The following DLGAP1 variants were observed in gnomAD, a reference collection of about 807,000 sequenced individuals.
DLGAP1 encodes the protein disks large-associated protein 1.
A neutral mutation model predicts 90.8 loss-of-function variants in DLGAP1; 11 were observed. The observed-to-expected ratio is 0.12, with a 90% CI of 0.08 to 0.20. The LOEUF (loss-of-function observed/expected upper bound fraction) is 0.20. Ranked by LOEUF, DLGAP1 falls within the 10% of genes least tolerant of loss-of-function variation. The probability of loss-of-function intolerance (pLI) is 1.00; values close to 1 mark genes in which losing one functional copy is unlikely to be tolerated. For synonymous variants in DLGAP1, 558 were observed against 540.7 expected (o/e 1.03, Z -0.44); for missense variants, 1,050 against 1,333.8 (o/e 0.79, Z 3.31).
At position 3,653,208 on chromosome 18, in the gene DLGAP1, T is replaced by G. The variant is rs1370287263; in HGVS notation, c.1592-70960A>C. ...ATTTAGAAGACTCTTGTGGAATTCT[T>G]GCTGTGAGTGGTTTTTCCTTCCCTG... is the stretch of plus-strand genomic sequence containing the variant. On this transcript the variant is annotated intron_variant, in intron 7 of 12. Coordinates refer to ENST00000315677, the MANE Select transcript of DLGAP1 (RefSeq NM_004746.4). The surrounding 1 kb of genome is among the most constrained non-coding windows in gnomAD (Gnocchi z 4.6). Among the ~76,000 whole-genome samples, 2 of 152,196 alleles carry G rather than the reference T, an allele frequency of 1.3e-5. No homozygotes were observed. Among genetic ancestry groups the G allele is most frequent in the East Asian group, 3.8e-4 (2 of 5,202 alleles).
At chr18:3,988,579 T>C (rs1267542779) in intron 3 of DLGAP1, among the ~76,000 whole-genome samples, 2 of 152,022 alleles carry the variant, frequency 1.3e-5, no homozygotes, top group African/African-American at 2.4e-5. Flanking sequence ...GGCGCTCCCA[T>C]GATAATTTAA....
chr18:4,094,607 C>CT (rs35060422), intron 2 of DLGAP1, among the ~76,000 whole-genome samples: 3,494 of 124,794 alleles, frequency 0.028, 82 homozygotes, highest in Non-Finnish European at 0.039. Context: ...CTTTCTCTTT[C>CT]TTTTTTTTTT....
chr18:4,208,760 AG>A (rs1468249517), intron 1 of DLGAP1, among the ~76,000 whole-genome samples: 1 of 151,818 alleles, frequency 6.6e-6, no homozygotes, highest in Non-Finnish European at 1.5e-5. Flanking sequence ...ACAGAGGGAG[AG>A]GGAGAAAGAG....
At chr18:4,197,764 T>G (rs1016154989) in intron 1 of DLGAP1, among the ~76,000 whole-genome samples, 4 of 152,242 alleles carry the variant, frequency 2.6e-5, no homozygotes, top group African/African-American at 9.6e-5. Flanking sequence ...TAGGAATCAT[T>G]TATCTGCAGG....
chr18:4,393,786 T>A (rs2082384849), intron 1 of DLGAP1, among the ~76,000 whole-genome samples: 1 of 151,950 alleles, frequency 6.6e-6, no homozygotes, highest in African/African-American at 2.4e-5. Flanking sequence ...GCAGGGGTGG[T>A]TCTGGGATGA....
At chr18:3,971,455 A>C (rs1273111707) in intron 3 of DLGAP1, among the ~76,000 whole-genome samples, 2 of 151,136 alleles carry the variant, frequency 1.3e-5, no homozygotes, top group African/African-American at 4.9e-5. Flanking sequence ...ATATGACATA[A>C]TATCACATAT....
chr18:4,111,048 T>G (rs2143997420), intron 2 of DLGAP1, among the ~76,000 whole-genome samples: 1 of 152,226 alleles, frequency 6.6e-6, no homozygotes, highest in African/African-American at 2.4e-5. Flanking sequence ...TTAGCCGTGG[T>G]TTTTTTCTAG....
intron 3 of DLGAP1, among the ~76,000 whole-genome samples, chr18:3,982,600 C>A (rs11664384): frequency 0.056 from 8,546 of 152,140 alleles, 497 homozygotes; most frequent in African/African-American, 0.15. Flanking sequence ...AGCCTGTGAT[C>A]AGTTCTTATT....
At chr18:4,038,478 T>C (rs2074924307) in intron 2 of DLGAP1, among the ~76,000 whole-genome samples, 1 of 152,046 alleles carries the variant, frequency 6.6e-6, no homozygotes, top group Non-Finnish European at 1.5e-5. Flanking sequence ...CGCTTGCAGA[T>C]AGTTCTGTGT....
chr18:4,153,917 C>T (rs1459311330), intron 1 of DLGAP1, among the ~76,000 whole-genome samples: 1 of 152,164 alleles, frequency 6.6e-6, no homozygotes, highest in East Asian at 1.9e-4. Context: ...GAGACTATAG[C>T]TTTGTCCAGG....
intron 5 of DLGAP1, among the ~76,000 whole-genome samples, chr18:3,800,767 T>A (rs924195408): frequency 6.6e-6 from 1 of 152,130 alleles, no homozygotes; most frequent in Non-Finnish European, 1.5e-5. Flanking sequence ...TATTTCTAAA[T>A]AAAAAAGAGA....
intron 7 of DLGAP1, among the ~76,000 whole-genome samples, chr18:3,694,939 G>GTTT (rs1219198458): frequency 4.8e-5 from 6 of 125,248 alleles, no homozygotes; most frequent in Admixed American, 8.4e-5. Context: ...TGTTTTTTTT[G>GTTT]TTTTTTTTTT....
At chr18:4,341,774 C>T (rs976981053) in intron 1 of DLGAP1, among the ~76,000 whole-genome samples, 2 of 152,084 alleles carry the variant, frequency 1.3e-5, no homozygotes, top group African/African-American at 2.4e-5. Flanking sequence ...AGACATCAAA[C>T]ATAAGAGGGA....
intron 1 of DLGAP1, among the ~76,000 whole-genome samples, chr18:4,369,424 A>G (rs770287337): frequency 7.2e-5 from 11 of 152,310 alleles, no homozygotes; most frequent in Non-Finnish European, 1.5e-4. Flanking sequence ...ATCAAGGACT[A>G]GAATCATTCC....
At chr18:4,427,747 G>A (rs1402623923) in intron 1 of DLGAP1, among the ~76,000 whole-genome samples, 1 of 152,190 alleles carries the variant, frequency 6.6e-6, no homozygotes, top group African/African-American at 2.4e-5. Context: ...TGAATTGTAA[G>A]TCATGGGGAA....
intron 1 of DLGAP1, among the ~76,000 whole-genome samples, chr18:4,299,769 A>T (rs1226047908): frequency 6.6e-6 from 1 of 152,216 alleles, no homozygotes; most frequent in Non-Finnish European, 1.5e-5. Context: ...TAATGGCTGT[A>T]AAATATTCCC....
chr18:4,088,614 A>C (rs1266141528), intron 2 of DLGAP1, among the ~76,000 whole-genome samples: 1 of 152,160 alleles, frequency 6.6e-6, no homozygotes, highest in Non-Finnish European at 1.5e-5. Flanking sequence ...TGTTTGAAAA[A>C]GTTATTATTT....
intron 7 of DLGAP1, among the ~76,000 whole-genome samples, chr18:3,674,318 T>TATATATATATATATATATATA (rs2060216347): frequency 1.4e-5 from 2 of 145,896 alleles, no homozygotes; most frequent in African/African-American, 2.6e-5. Flanking sequence ...TATATGTATA[T>TATATATATATATATATATATA]TTTAAAAAAT....
chr18:3,956,154 T>TA (rs959286799), intron 3 of DLGAP1, among the ~76,000 whole-genome samples: 3 of 152,120 alleles, frequency 2.0e-5, no homozygotes, highest in Non-Finnish European at 4.4e-5. Context: ...GCGATAAAGA[T>TA]AAAAATCTTA....
Sources: allele counts gnomAD v4.1 joint callset (sites outside exome capture counted in the v4.1 genomes callset), GRCh38; gene constraint gnomAD v4.1.1; non-coding constraint Gnocchi (gnomAD v3.1); transcripts MANE v1.5; gene names NCBI Gene and HGNC (gene_info 2026-07-23, HGNC 2026-07-21).